Variants in TOMM20 observed in about 807,000 individuals in gnomAD.
TOMM20 encodes mitochondrial import receptor subunit TOM20 homolog.
TOMM20 carries 10 observed loss-of-function variants against 22.1 expected under a neutral mutation model. That is an observed-to-expected ratio of 0.45 (90% CI 0.28 to 0.77). TOMM20 has a LOEUF of 0.77. Ranked by LOEUF, TOMM20 falls within the 30% of genes least tolerant of loss-of-function variation. TOMM20 has a pLI of 0.13. For missense variants in TOMM20, 121 were observed against 172.2 expected (o/e 0.70, Z 1.66); for synonymous variants, 55 against 61.4 (o/e 0.90, Z 0.49).
chr1:235,128,822 CCAG>C lies in TOMM20; in HGVS notation c.-110_-108del. The C allele has an allele frequency of 6.5e-7, 1 of 1,544,256 alleles. No homozygotes were observed. The highest frequency in any genetic ancestry group is 1.9e-5 in the Admixed American group (1 of 52,186). ...GCAGCTCACACCCGACGGCCGCGGG[CCAG>C]GAACACAGAAAGGCCGAGCACACGC... On this transcript the variant is annotated 5_prime_UTR_variant, in exon 1 of 5. Coordinates refer to ENST00000366607, the MANE Select transcript of TOMM20 (RefSeq NM_014765.3).
At chr1:235,122,040 C>T (rs1295067112) in intron 2 of TOMM20, among the ~76,000 whole-genome samples, 1 of 152,118 alleles carries the variant, frequency 6.6e-6, no homozygotes, top group Admixed American at 6.5e-5. Context: ...AACTTTTCAT[C>T]TTTTGGTGCA....
intron 1 of TOMM20, among the ~76,000 whole-genome samples, chr1:235,126,279 T>A (rs1661021734): frequency 6.6e-6 from 1 of 151,486 alleles, no homozygotes; most frequent in Admixed American, 6.6e-5. Flanking sequence ...ACTACCGGCG[T>A]GCACCACCAC....
chr1:235,120,714 AT>A (rs1331087612), intron 2 of TOMM20, among the ~76,000 whole-genome samples: 1 of 151,938 alleles, frequency 6.6e-6, no homozygotes, highest in Non-Finnish European at 1.5e-5. Flanking sequence ...TATAAAAAAA[AT>A]AAAAGATTAG....
At chr1:235,112,602 C>A (rs1013221468) in intron 4 of TOMM20, among the ~76,000 whole-genome samples, 4 of 152,120 alleles carry the variant, frequency 2.6e-5, no homozygotes, top group Non-Finnish European at 4.4e-5. Context: ...GATTATAGGG[C>A]ATGAGACACT....
At position 235,128,588 on chromosome 1, in the gene TOMM20, C is replaced by T. The variant is rs772705933; in HGVS notation, c.121+7G>A. On this transcript the variant is annotated splice_region_variant and intron_variant, in intron 1 of 4. Coordinates refer to ENST00000366607, the MANE Select transcript of TOMM20 (RefSeq NM_014765.3). Reference sequence around the variant, plus strand: ...AAGCCTGGCCAGGGGAGAGAGGACCCACTCACGTTCTCGAAGCCTGTTCTT... The same window carrying T: ...AAGCCTGGCCAGGGGAGAGAGGACCTACTCACGTTCTCGAAGCCTGTTCTT... 3 of 1,612,164 alleles carry T rather than the reference C, an allele frequency of 1.9e-6. No homozygotes were observed. The Admixed American group carries it at 5.0e-5, about 27-fold the overall frequency.
rs139690536 is a variant in TOMM20 at position 235,116,812 on chromosome 1, G to A, written c.251-2902C>T. Among the ~76,000 whole-genome samples, 18 of 152,084 alleles carry A rather than the reference G, an allele frequency of 1.2e-4. No individual in the cohort carries two copies. In the East Asian group the frequency reaches 1.4e-3, roughly 11 times the overall value. On this transcript the variant is annotated intron_variant, in intron 3 of 4. Transcript: ENST00000366607. Reference sequence around the variant, plus strand: ...TTTTATTTACCAAACAATTTCCCACGATATAAATTCACAGGAAATTGATCT... The same window carrying A: ...TTTTATTTACCAAACAATTTCCCACAATATAAATTCACAGGAAATTGATCT...
intron 1 of TOMM20, 27 bp from the exon 2 acceptor site, chr1:235,122,399 C>T (rs1660944171): frequency 1.9e-6 from 3 of 1,566,028 alleles, no homozygotes; most frequent in Non-Finnish European, 2.6e-6. Context: ...GTTATATTTA[C>T]ATTTTGTCAT....
chr1:235,116,612 T>C (rs1660831913), intron 3 of TOMM20, among the ~76,000 whole-genome samples: 1 of 151,780 alleles, frequency 6.6e-6, no homozygotes, highest in South Asian at 2.1e-4. Flanking sequence ...GGCACAAGAA[T>C]TGCTTGAACC....
chr1:235,115,773 C>T (rs746390788), intron 3 of TOMM20, among the ~76,000 whole-genome samples: 4 of 152,218 alleles, frequency 2.6e-5, no homozygotes, highest in Admixed American at 1.3e-4. Flanking sequence ...AGTAAACAAC[C>T]TCAGAATATA....
chr1:235,126,488 AAAC>A (rs1251671867), intron 1 of TOMM20, among the ~76,000 whole-genome samples: 1 of 152,108 alleles, frequency 6.6e-6, no homozygotes, highest in Non-Finnish European at 1.5e-5. Flanking sequence ...CAAAAACATC[AAAC>A]AACAAAATAT....
intron 1 of TOMM20, among the ~76,000 whole-genome samples, chr1:235,123,299 A>G (rs1420040230): frequency 1.3e-5 from 2 of 152,224 alleles, no homozygotes; most frequent in African/African-American, 4.8e-5. Flanking sequence ...AGCCTGGCCA[A>G]CATAGTGAAA....
chr1:235,121,797 T>A (rs1157030445), intron 2 of TOMM20, among the ~76,000 whole-genome samples: 1 of 152,202 alleles, frequency 6.6e-6, no homozygotes, highest in African/African-American at 2.4e-5. Context: ...TCATTAAAAA[T>A]AATCAAGAAC....
intron 3 of TOMM20, among the ~76,000 whole-genome samples, chr1:235,118,519 A>G (rs1660873814): frequency 6.6e-6 from 1 of 152,146 alleles, no homozygotes; most frequent in Admixed American, 6.6e-5. Flanking sequence ...CTCTGCAGTT[A>G]CAGATTTTAT....
At chr1:235,128,087 G>C (rs1661061985) in intron 1 of TOMM20, 1 of 331,748 alleles carries the variant, frequency 3.0e-6, no homozygotes, top group Non-Finnish European at 6.0e-6. Context: ...GGCAGGAGAA[G>C]CGCTTGAACT....
At chr1:235,128,275 T>A (rs768861612) in intron 1 of TOMM20, among the ~76,000 whole-genome samples, 2 of 151,784 alleles carry the variant, frequency 1.3e-5, no homozygotes, top group Non-Finnish European at 2.9e-5. Context: ...AGAGTAGAGG[T>A]TTAAAAAGAT....
intron 3 of TOMM20, among the ~76,000 whole-genome samples, chr1:235,118,349 A>G (rs1247029046): frequency 6.6e-6 from 1 of 152,206 alleles, no homozygotes; most frequent in Admixed American, 6.5e-5. Flanking sequence ...CGATGCAAGG[A>G]GCAGAGCAAC....
chr1:235,120,729 G>A (rs1272638374), intron 2 of TOMM20, among the ~76,000 whole-genome samples: 3 of 151,914 alleles, frequency 2.0e-5, no homozygotes, highest in Non-Finnish European at 4.4e-5. Flanking sequence ...AGATTAGCTA[G>A]GCATGGTGGT....
At chr1:235,116,880 A>C (rs920360601) in intron 3 of TOMM20, among the ~76,000 whole-genome samples, 24 of 152,222 alleles carry the variant, frequency 1.6e-4, no homozygotes, top group South Asian at 1.0e-3. Context: ...TCAAGCCTGT[A>C]ATCCCAGCAC....
At chr1:235,121,553 G>A (rs1401427694) in intron 2 of TOMM20, among the ~76,000 whole-genome samples, 1 of 152,204 alleles carries the variant, frequency 6.6e-6, no homozygotes, top group East Asian at 1.9e-4. Context: ...TCAACTAGCT[G>A]TGTTTACACA....
Sources: allele counts gnomAD v4.1 joint callset (sites outside exome capture counted in the v4.1 genomes callset), GRCh38; gene constraint gnomAD v4.1.1; transcripts MANE v1.5; gene names NCBI Gene and HGNC (gene_info 2026-07-23, HGNC 2026-07-21).